The following ALS2CL variants were observed in gnomAD, a reference collection of about 807,000 sequenced individuals.
ALS2CL encodes ALS2 C-terminal like, also known as ALS2 C-terminal-like protein.
Under a neutral mutation model 127.9 loss-of-function variants are expected in ALS2CL, and 112 were observed. The ratio of observed to expected loss-of-function variants is 0.88; its 90% confidence interval spans 0.75 to 1.02. ALS2CL has a LOEUF of 1.02. Ranked by LOEUF, ALS2CL falls within the 50% of genes least tolerant of loss-of-function variation. The probability of loss-of-function intolerance (pLI) is 0.00; values close to 1 mark genes in which losing one functional copy is unlikely to be tolerated. For synonymous variants in ALS2CL, 519 were observed against 527.6 expected (o/e 0.98, Z 0.22); for missense variants, 1,174 against 1,236.7 (o/e 0.95, Z 0.76).
intron 10 of ALS2CL, among the ~76,000 whole-genome samples, 167 bp from the exon 11 acceptor site, chr3:46,682,261 A>T (rs1699413303): frequency 6.6e-6 from 1 of 152,146 alleles, no homozygotes; most frequent in Non-Finnish European, 1.5e-5. Flanking sequence ...AAGCCCCTTT[A>T]GCCCTTTTCT....
In ALS2CL at chr3:46,676,905, G is replaced by A. The variant is rs200130846; in HGVS notation, c.1875C>T (p.Phe625=). 25 of 1,613,368 alleles carry A rather than the reference G, an allele frequency of 1.5e-5. No individual in the cohort carries two copies. The highest frequency in any genetic ancestry group is 2.2e-5 in the East Asian group (1 of 44,834). ...PRDLQEALLG[F]DVQSSRELRR... is the part of the protein sequence containing the mutation. Reference sequence around the variant, plus strand: ...GCAGCTCCCTGGAGCTCTGCACGTCGAAGCCCAGCAGGGCCTCCTGCAGGT... The same window carrying A: ...GCAGCTCCCTGGAGCTCTGCACGTCAAAGCCCAGCAGGGCCTCCTGCAGGT... The change falls in exon 17 of 26, where the codon TTC becomes TTT. Residue 625 remains phenylalanine (F), a synonymous_variant. Coordinates refer to ENST00000318962, the MANE Select transcript of ALS2CL (RefSeq NM_147129.5).
Position 46,681,405 on chromosome 3 carries a change from T to G in ALS2CL, c.1277A>C (p.Tyr426Ser). The part of the protein sequence containing the change: ...GSMCGYGICE[Y>S]STDEVYKGYF... The stretch of plus-strand genomic sequence containing the variant: ...GCCCTTGTACACCTCGTCGGTGCTG[T>G]ACCTGGGGAGGGCCATCAACAACGA... Residue 426 changes from tyrosine to serine, a missense_variant and splice_region_variant, in exon 13 of 26, where the codon TAC becomes TCC. Physicochemically the swap from Tyr to Ser is moderately radical, Grantham distance 144. Coordinates refer to ENST00000318962, the MANE Select transcript of ALS2CL (RefSeq NM_147129.5). The surrounding 1 kb of genome is among the most constrained non-coding windows in gnomAD (Gnocchi z 4.9). The G allele has an allele frequency of 6.2e-7, 1 of 1,606,154 alleles. No homozygotes were observed. Among genetic ancestry groups the G allele is most frequent in the Non-Finnish European group, 8.5e-7 (1 of 1,173,978 alleles).
rs59661801 is a variant in ALS2CL at position 46,689,355 on chromosome 3, T to C, written c.86A>G (p.Gln29Arg). ...AGACTCACCGGCTGGGAGCAGGGGC[T>C]GGAGGACAAGGCTGTTGACATGGGC... ...TLAHVNSLVL[Q>R]PLLPAAPDPS... Residue 29 changes from glutamine (Q) to arginine (R), a missense_variant, in exon 2 of 26, where the codon CAG (glutamine) becomes CGG (arginine). Transcript: ENST00000318962. The C allele has an allele frequency of 1.5e-3, 2,352 of 1,612,928 alleles. 25 individuals are homozygous for C. In the African/African-American group the frequency reaches 0.027, roughly 19 times the overall value.
rs1370610258 is a variant in ALS2CL, at chr3:46,676,417, A to G, written c.2029-15T>C. 7 of 1,613,396 alleles carry G rather than the reference A, an allele frequency of 4.3e-6. No individual in the cohort carries two copies. Among genetic ancestry groups the G allele is most frequent in the Non-Finnish European group, 5.9e-6 (7 of 1,179,814 alleles). On this transcript the variant is annotated splice_polypyrimidine_tract_variant and intron_variant, in intron 18 of 25. Transcript: ENST00000318962. ...TTGCTCAGAGCCTGGGCCAGTGCATAGGCAACAGAGAGAGACTAAGCACTG... is the reference window on the plus strand; with the variant it reads ...TTGCTCAGAGCCTGGGCCAGTGCATGGGCAACAGAGAGAGACTAAGCACTG...
Position 46,686,454 on chromosome 3 carries a change from G to A in ALS2CL, c.535-15C>T. 6.2e-7 allele frequency: 1 copy of A among 1,609,158 alleles called. No homozygotes were observed. The highest frequency in any genetic ancestry group is 8.5e-7 in the Non-Finnish European group (1 of 1,177,494). ...GTTGGGTGATGCTGAAGGGGGACAGGGCAGCCAGTGAGAGGAGAGCTTACT... is the reference window on the plus strand; with the variant it reads ...GTTGGGTGATGCTGAAGGGGGACAGAGCAGCCAGTGAGAGGAGAGCTTACT... On this transcript the variant is annotated splice_polypyrimidine_tract_variant and intron_variant, in intron 5 of 25. Coordinates refer to ENST00000318962, the MANE Select transcript of ALS2CL (RefSeq NM_147129.5). The surrounding 1 kb of genome is among the most constrained non-coding windows in gnomAD (Gnocchi z 4.3).
chr3:46,680,303 C>T (rs1181367603), intron 14 of ALS2CL, 127 bp downstream of exon 14: 5 of 1,027,558 alleles, frequency 4.9e-6, no homozygotes, highest in African/African-American at 4.7e-5. Context: ...CAGGTTCTGG[C>T]TCCCTCCAGC....
intron 22 of ALS2CL, among the ~76,000 whole-genome samples, chr3:46,672,984 C>T (rs1246830565): frequency 1.3e-5 from 2 of 151,976 alleles, no homozygotes; most frequent in South Asian, 2.1e-4. Flanking sequence ...CTAACCCGGG[C>T]GATAAAGTGA....
At chr3:46,671,369 C>T (rs1460463147) in intron 25 of ALS2CL, 119 bp downstream of exon 25, 2 of 1,480,424 alleles carry the variant, frequency 1.4e-6, no homozygotes, top group East Asian at 2.4e-5. Context: ...CCCAGAGTCA[C>T]ACATGAGCTG....
intron 10 of ALS2CL, 53 bp from the exon 11 acceptor site, chr3:46,682,147 C>G: frequency 6.3e-7 from 1 of 1,587,624 alleles, no homozygotes; most frequent in Non-Finnish European, 8.6e-7. Flanking sequence ...CCTCAGCAAC[C>G]TCAGCCACCT....
chr3:46,671,744 C>T, intron 24 of ALS2CL, 140 bp downstream of exon 24: 2 of 1,522,514 alleles, frequency 1.3e-6, no homozygotes, highest in Non-Finnish European at 1.8e-6. Flanking sequence ...GGGACCCTCC[C>T]TTTTCTGGGC....
At position 46,687,114 on chromosome 3, in the gene ALS2CL, G is replaced by T; in HGVS notation, c.403C>A (p.Gln135Lys). The T allele has an allele frequency of 6.4e-7, 1 of 1,562,966 alleles. No individual in the cohort carries two copies. The change falls in exon 5 of 26, where the codon CAG becomes AAG. Residue 135 changes from glutamine to lysine, a missense_variant. Coordinates refer to ENST00000318962, the MANE Select transcript of ALS2CL (RefSeq NM_147129.5). The stretch of plus-strand genomic sequence containing the variant: ...TCTGAGCTCACACCTGAAAGCAGCT[G>T]CCGCAGCGCCTTCCGCTGGCCCCGC... ...YWRGQRKALR[Q>K]LLSGVSSEGS...
chr3:46,676,050 G>A, intron 19 of ALS2CL, 195 bp downstream of exon 19: 2 of 1,378,420 alleles, frequency 1.5e-6, no homozygotes, highest in Non-Finnish European at 1.9e-6. Flanking sequence ...TCTAGCTGAG[G>A]GCTGCAGCTG....
At chr3:46,677,188 C>T (rs974911735) in intron 16 of ALS2CL, 166 bp from the exon 17 acceptor site, 13 of 1,428,342 alleles carry the variant, frequency 9.1e-6, no homozygotes, top group Non-Finnish European at 1.2e-5. Context: ...ACCTCCACGG[C>T]TCCAGGAGGA....
At chr3:46,680,639 G>A in intron 13 of ALS2CL, 98 bp from the exon 14 acceptor site, 2 of 1,026,166 alleles carry the variant, frequency 1.9e-6, no homozygotes, top group South Asian at 2.9e-5. Flanking sequence ...TGCAGATAAG[G>A]GGCAGTGACA....
Position 46,686,303 on chromosome 3 carries a change from C to T in ALS2CL, c.666+5G>A, listed in dbSNP as rs760753268. The T allele has an allele frequency of 2.5e-6, 4 of 1,605,508 alleles. No homozygotes were observed. Among genetic ancestry groups the T allele is most frequent in the East Asian group, 2.2e-5 (1 of 44,674 alleles). On this transcript the variant is annotated splice_donor_5th_base_variant and intron_variant, in intron 6 of 25. Transcript: ENST00000318962. The surrounding 1 kb of genome is among the most constrained non-coding windows in gnomAD (Gnocchi z 4.3). ...CCCTAACTGCCCCTCAGGCCCCCAA[C>T]TCACCCTCAGCCGGCCTCTCAGGGT...
intron 13 of ALS2CL, 119 bp from the exon 14 acceptor site, chr3:46,680,660 C>A: frequency 1.2e-6 from 1 of 804,420 alleles, no homozygotes; most frequent in Non-Finnish European, 2.0e-6. Flanking sequence ...TCACCTGAAT[C>A]CACTCAACAG....
Position 46,674,656 on chromosome 3 carries a change from T to G in ALS2CL, c.2339A>C (p.His780Pro), listed in dbSNP as rs747085457. 1 of 1,614,004 alleles carries G rather than the reference T, an allele frequency of 6.2e-7. No individual in the cohort carries two copies. Among genetic ancestry groups the G allele is most frequent in the African/African-American group, 1.3e-5 (1 of 74,910 alleles). The part of the protein sequence containing the change: ...SELFTLYLLL[H>P]EREDSFYSQG... ...GCTGTAGAAGCTGTCCTCCCGCTCA[T>G]GAAGCAGCAGGTAGAGCGTGAAGAG... Residue 780 changes from histidine to proline, a missense_variant, in exon 21 of 26, where the codon CAT (histidine) becomes CCT (proline). By Grantham distance (77) the His-to-Pro change is moderately conservative. Coordinates refer to ENST00000318962, the MANE Select transcript of ALS2CL (RefSeq NM_147129.5).
In ALS2CL at chr3:46,683,153, C is replaced by T. The variant is rs1251576494; in HGVS notation, c.1086G>A (p.Trp362Ter). Reference sequence around the variant, plus strand: ...ACTTGCCGTGGGGCCGGCCCCTGCACCACTCGCCCTCGTAGGTGGCCTGGC... The same window carrying T: ...ACTTGCCGTGGGGCCGGCCCCTGCATCACTCGCCCTCGTAGGTGGCCTGGC... ...RLCQATYEGE[W>*]CRGRPHGKGT... Residue 362 changes from tryptophan (W) to a stop codon, truncating the protein, a stop_gained, in exon 10 of 26, where the codon TGG becomes TGA. Coordinates refer to ENST00000318962, the MANE Select transcript of ALS2CL (RefSeq NM_147129.5). LOFTEE classifies it high-confidence loss of function. The T allele has an allele frequency of 6.3e-7, 1 of 1,599,166 alleles. No individual in the cohort carries two copies. Among genetic ancestry groups the T allele is most frequent in the Non-Finnish European group, 8.5e-7 (1 of 1,172,998 alleles).
At chr3:46,692,689 G>T (rs1377797385) in intron 1 of ALS2CL, among the ~76,000 whole-genome samples, 2 of 152,222 alleles carry the variant, frequency 1.3e-5, no homozygotes, top group African/African-American at 4.8e-5. Context: ...CACGGGGTGC[G>T]GTGGGGTGGG....
Sources: gnomAD v4.1 joint callset for allele counts (sites outside exome capture counted in the v4.1 genomes callset) on GRCh38, gnomAD v4.1.1 for gene constraint, Gnocchi (gnomAD v3.1) non-coding constraint, MANE v1.5 for transcripts, NCBI Gene and HGNC (gene_info 2026-07-23, HGNC 2026-07-21) for gene names.